Variants in AFMID observed in about 807,000 individuals in gnomAD.
AFMID encodes arylformamidase.
Under a neutral mutation model 47.5 loss-of-function variants are expected in AFMID, and 39 were observed. That is an observed-to-expected ratio of 0.82 (90% CI 0.64 to 1.07). The LOEUF is 1.07. AFMID is among the 50% of genes least tolerant of loss of function. The probability of loss-of-function intolerance (pLI) is 0.00; values close to 1 mark genes in which losing one functional copy is unlikely to be tolerated. For missense variants in AFMID, 375 were observed against 387.5 expected, an observed-to-expected ratio of 0.97 and a Z score of 0.27; for synonymous variants, 130 against 153.2, an observed-to-expected ratio of 0.85 and a Z score of 1.12.
chr17:78,201,636 C>CA (rs2076244671), intron 2 of AFMID, among the ~76,000 whole-genome samples: 1 of 152,036 alleles, frequency 6.6e-6, no homozygotes, highest in Admixed American at 6.6e-5. Context: ...TCCTTTAAAA[C>CA]AAAAAAGTAT....
rs1255267919 is a variant in AFMID at position 78,197,423 on chromosome 17, C to A, written c.155-5076C>A. The A allele has an allele frequency of 7.9e-6, 4 of 507,316 alleles. No homozygotes were observed. The Admixed American group carries it at 1.5e-4, about 19-fold the overall frequency. 31.4% of individuals were successfully genotyped at this position (507,316 alleles called of 1,614,324 possible). ...GTTTGTGGTAGCATGGCCTGGGAGACAGCCCAGATGGCTTTCAGCAAAGGA... is the reference window on the plus strand; with the variant it reads ...GTTTGTGGTAGCATGGCCTGGGAGAAAGCCCAGATGGCTTTCAGCAAAGGA... On this transcript the variant is annotated intron_variant, in intron 2 of 10. Transcript: ENST00000409257.
intron 4 of AFMID, 99 bp from the exon 5 acceptor site, chr17:78,204,557 G>A (rs2076326911): frequency 8.8e-7 from 1 of 1,136,186 alleles, no homozygotes; most frequent in South Asian, 1.3e-5. Flanking sequence ...GGGTGATGCT[G>A]TGCGTGGACA....
At position 78,204,670 on chromosome 17, in the gene AFMID, C is replaced by G. The variant is rs755407039; in HGVS notation, c.323C>G (p.Ala108Gly). The change falls in exon 5 of 11, where the codon GCC becomes GGC. Residue 108 changes from alanine to glycine, a missense_variant. Physicochemically the swap from Ala to Gly is moderately conservative, Grantham distance 60 (BLOSUM62 0). Coordinates refer to ENST00000409257, the MANE Select transcript of AFMID (RefSeq NM_001010982.5). The stretch of plus-strand genomic sequence containing the variant: ...TGTCTCTGCAGTAAGGATGAGTCTG[C>G]CTTCATGGTCCACCCGCTGACGGCA... ...YWQSGSKDES[A>G]FMVHPLTAQG... 2 of 1,614,142 alleles carry G rather than the reference C, an allele frequency of 1.2e-6. No individual in the cohort carries two copies. Among genetic ancestry groups the G allele is most frequent in the Non-Finnish European group, 1.7e-6 (2 of 1,180,026 alleles).
chr17:78,205,466 G>C lies in AFMID; in HGVS notation c.592G>C (p.Asp198His). ...RGFFLVSGVF[D>H]LEPIVYTSQN... is the part of the protein sequence containing the mutation. Reference sequence around the variant, plus strand: ...CTTTTTCCTGGTGAGTGGGGTCTTTGACCTGGAGCCCATCGTGTATACTTC... The same window carrying C: ...CTTTTTCCTGGTGAGTGGGGTCTTTCACCTGGAGCCCATCGTGTATACTTC... Residue 198 changes from aspartate (D) to histidine (H), a missense_variant, in exon 8 of 11, where the codon GAC (aspartate) becomes CAC (histidine). Transcript: ENST00000409257. 1 of 1,614,156 alleles carries C rather than the reference G, an allele frequency of 6.2e-7. No individual in the cohort carries two copies. Among genetic ancestry groups the C allele is most frequent in the Non-Finnish European group, 8.5e-7 (1 of 1,180,022 alleles).
Position 78,190,824 on chromosome 17 carries a change from C to G in AFMID, c.64-146C>G. On this transcript the variant is annotated intron_variant, in intron 1 of 10. Transcript: ENST00000409257. ...AGCGGTCGCTGGTATACCTCTAGAC[C>G]ATGGATCTGAGGGCATCTTGGAGAC... 1.3e-5 allele frequency: 9 copies of G among 674,576 alleles called. No homozygotes were observed. The South Asian group carries it at 1.7e-4, about 12-fold the overall frequency. 41.8% of individuals were successfully genotyped at this position (674,576 alleles called of 1,614,324 possible). A position where few individuals can be genotyped will look rare whatever the true frequency, so the allele number is the denominator to read the frequency against.
intron 3 of AFMID, 37 bp from the exon 4 acceptor site, chr17:78,202,666 C>T (rs769289812): frequency 3.8e-6 from 6 of 1,571,962 alleles, no homozygotes; most frequent in South Asian, 3.5e-5. Flanking sequence ...CTCAGCAGGG[C>T]GGGCCTTGCT....
intron 6 of AFMID, 39 bp from the exon 7 acceptor site, chr17:78,205,054 C>T (rs750941150): frequency 1.5e-5 from 23 of 1,580,884 alleles, no homozygotes; most frequent in Middle Eastern, 3.3e-4. Flanking sequence ...TGTGGGGAAA[C>T]TGCGTGCAAA....
chr17:78,193,350 G>A (rs112533867), intron 2 of AFMID, among the ~76,000 whole-genome samples: 40,629 of 128,262 alleles, frequency 0.32, 5,957 homozygotes, highest in African/African-American at 0.35. Context: ...CAGCCTGGGC[G>A]ACAGAGCGAG....
intron 2 of AFMID, among the ~76,000 whole-genome samples, chr17:78,192,397 C>G (rs535818907): frequency 6.7e-6 from 1 of 148,798 alleles, no homozygotes; most frequent in East Asian, 2.0e-4. Context: ...TCACTGCAAC[C>G]TCCACCTCCC....
chr17:78,206,690 AC>A (rs143832284), intron 10 of AFMID, among the ~76,000 whole-genome samples: 4 of 110,690 alleles, frequency 3.6e-5, no homozygotes, highest in Non-Finnish European at 7.5e-5. Flanking sequence ...TCCTCCCCCT[AC>A]CCCCCCTTCT....
At chr17:78,206,777 C>T (rs2076395690) in intron 10 of AFMID, 134 bp from the exon 11 acceptor site, 7 of 828,864 alleles carry the variant, frequency 8.4e-6, no homozygotes, top group Non-Finnish European at 1.4e-5. Context: ...AGTGATCTTC[C>T]CACCTCAGCC....
At chr17:78,191,332 C>T (rs775909033) in intron 2 of AFMID, among the ~76,000 whole-genome samples, 3 of 152,206 alleles carry the variant, frequency 2.0e-5, no homozygotes, top group Non-Finnish European at 2.9e-5. Flanking sequence ...TACCCAGGCC[C>T]GTAAGGCTGC....
chr17:78,191,132 G>T lies in AFMID; in HGVS notation c.154+72G>T, dbSNP rs191526530. On this transcript the variant is annotated intron_variant, in intron 2 of 10. Coordinates refer to ENST00000409257, the MANE Select transcript of AFMID (RefSeq NM_001010982.5). ...GTGGCAGTGATTCAGAATGCTGGGGGTTGGGGGGGCTGTGCTGCACCACCT... is the reference window on the plus strand; with the variant it reads ...GTGGCAGTGATTCAGAATGCTGGGGTTTGGGGGGGCTGTGCTGCACCACCT... The T allele has an allele frequency of 9.3e-4, 1,291 of 1,392,622 alleles. 7 individuals carry two copies. The African/African-American group carries it at 0.016, about 17-fold the overall frequency. 86.3% of individuals were successfully genotyped at this position (1,392,622 alleles called of 1,614,324 possible).
At chr17:78,197,914 C>G (rs551905028) in intron 2 of AFMID, among the ~76,000 whole-genome samples, 2 of 151,946 alleles carry the variant, frequency 1.3e-5, no homozygotes, top group Non-Finnish European at 2.9e-5. Context: ...CCCAGGAGTT[C>G]GAAACCAGCT....
Position 78,194,956 on chromosome 17 carries a change from A to C in AFMID, c.154+3896A>C, listed in dbSNP as rs1050658432. On this transcript the variant is annotated intron_variant, in intron 2 of 10. Transcript: ENST00000409257. ...TGATCCACCTGCCTCAGCCTACCAA[A>C]GTGCTGGGATTACAGGCGTGAGCCA... Among the ~76,000 whole-genome samples, 12 of 152,250 alleles carry C rather than the reference A, an allele frequency of 7.9e-5. 3 individuals are homozygous for C. Among genetic ancestry groups the C allele is most frequent in the East Asian group, 1.9e-4 (1 of 5,168 alleles).
intron 2 of AFMID, among the ~76,000 whole-genome samples, chr17:78,192,029 G>T (rs1359949553): frequency 7.1e-6 from 1 of 140,606 alleles, no homozygotes; most frequent in South Asian, 2.3e-4. Context: ...ACAGAGTTTC[G>T]CTCTTGTTGC....
intron 1 of AFMID, among the ~76,000 whole-genome samples, chr17:78,188,944 C>T (rs1184903980): frequency 2.6e-5 from 4 of 151,964 alleles, no homozygotes; most frequent in Non-Finnish European, 5.9e-5. Flanking sequence ...GTTGGACAGA[C>T]TGGTCTTGAA....
chr17:78,199,411 T>C (rs1670490410), intron 2 of AFMID, among the ~76,000 whole-genome samples: 3 of 150,790 alleles, frequency 2.0e-5, no homozygotes, highest in Non-Finnish European at 4.4e-5. Context: ...AGTCTTGCTC[T>C]ATTGCCCAGG....
chr17:78,194,908 G>A (rs1166523912), intron 2 of AFMID, among the ~76,000 whole-genome samples: 2 of 151,858 alleles, frequency 1.3e-5, no homozygotes, highest in African/African-American at 2.4e-5. Flanking sequence ...TGGTCAGGCT[G>A]GTCTCAAACT....
Sources: allele counts gnomAD v4.1 joint callset (sites outside exome capture counted in the v4.1 genomes callset), GRCh38; gene constraint gnomAD v4.1.1; transcripts MANE v1.5; gene names NCBI Gene and HGNC (gene_info 2026-07-23, HGNC 2026-07-21).